HTR4: variants seen among roughly 807,000 people sequenced by gnomAD.
HTR4 encodes the protein 5-hydroxytryptamine (serotonin) receptor 4, G protein-coupled.
A neutral mutation model predicts 36.8 loss-of-function variants in HTR4; 16 were observed. That is an observed-to-expected ratio of 0.43 (90% confidence interval 0.29 to 0.66). The LOEUF (loss-of-function observed/expected upper bound fraction) is 0.66. Among genes scored for constraint, HTR4 ranks in the 30% least tolerant of loss-of-function variants. The pLI, the probability that HTR4 is intolerant of heterozygous loss-of-function variation, is 0.13. For synonymous variants in HTR4, 189 were observed against 185.1 expected (o/e 1.02, Z -0.17); for missense variants, 438 against 490.9 (o/e 0.89, Z 1.02).
intron 6 of HTR4, among the ~76,000 whole-genome samples, chr5:148,494,462 C>G (rs887921965): frequency 1.3e-5 from 2 of 152,218 alleles, no homozygotes; most frequent in Admixed American, 6.5e-5. Context: ...GCCTCTCACT[C>G]ATTCTCTTTG....
At chr5:148,610,924 T>G (rs1752398379) in intron 2 of HTR4, among the ~76,000 whole-genome samples, 2 of 149,854 alleles carry the variant, frequency 1.3e-5, no homozygotes, top group African/African-American at 5.0e-5. Context: ...AGAAAGGGTA[T>G]CAGCAATGGA....
At chr5:148,511,286 A>G (rs1581403820) in intron 5 of HTR4, among the ~76,000 whole-genome samples, 1 of 152,332 alleles carries the variant, frequency 6.6e-6, no homozygotes, top group East Asian at 1.9e-4. Context: ...CAAACTATAG[A>G]ATATTATCAA....
chr5:148,636,936 A>G (rs1753562136), intron 2 of HTR4, 53 bp downstream of exon 2: 1 of 1,162,948 alleles, frequency 8.6e-7, no homozygotes, highest in Admixed American at 1.8e-5. Flanking sequence ...TAGAGTCTTC[A>G]TAGCAGAAAT....
chr5:148,483,379 A>G (rs1755986453), intron 6 of HTR4, 86 bp from the exon 7 acceptor site: 4 of 1,203,952 alleles, frequency 3.3e-6, no homozygotes, highest in Non-Finnish European at 3.6e-6. Context: ...GCATGGCAGG[A>G]ACACTCTGTG....
intron 6 of HTR4, among the ~76,000 whole-genome samples, chr5:148,491,022 A>T (rs911732599): frequency 6.6e-6 from 1 of 152,298 alleles, no homozygotes; most frequent in East Asian, 1.9e-4. Flanking sequence ...TGAAGCTTTT[A>T]TCATTTCCAT....
chr5:148,561,525 G>A (rs556578871), intron 2 of HTR4, among the ~76,000 whole-genome samples: 5 of 152,284 alleles, frequency 3.3e-5, no homozygotes, highest in Admixed American at 6.5e-5. Context: ...TTCCAAAAGT[G>A]GAACTGAGTC....
chr5:148,567,784 A>G lies in HTR4; in HGVS notation c.27-17522T>C, dbSNP rs545348008. Among the ~76,000 whole-genome samples, 19 of 152,234 alleles carry G rather than the reference A, an allele frequency of 1.2e-4. No homozygotes were observed. The South Asian group carries it at 2.9e-3, about 23-fold the overall frequency. On this transcript the variant is annotated intron_variant, in intron 2 of 6. Transcript: ENST00000377888. ...CAAAGAGCATTTTCCTGACTATTCT[A>G]ATGAATGTAGCATACTTTGTCATTC...
At position 148,557,542 on chromosome 5, in the gene HTR4, G is replaced by A. The variant is rs113427592; in HGVS notation, c.27-7280C>T. Reference sequence around the variant, plus strand: ...AGGAGATACATGCTTGGAATTGCCAGCACTTCTATGGGATTTAGAGAACTG... The same window carrying A: ...AGGAGATACATGCTTGGAATTGCCAACACTTCTATGGGATTTAGAGAACTG... On this transcript the variant is annotated intron_variant, in intron 2 of 6. Coordinates refer to ENST00000377888, the MANE Select transcript of HTR4 (RefSeq NM_000870.7). Among the ~76,000 whole-genome samples the A allele has an allele frequency of 1.8e-3, 279 of 152,070 alleles. 1 individual carries two copies. Among genetic ancestry groups the A allele is most frequent in the Non-Finnish European group, 3.1e-3 (210 of 67,986 alleles).
intron 4 of HTR4, among the ~76,000 whole-genome samples, chr5:148,547,318 A>C (rs1270412007): frequency 6.6e-6 from 1 of 151,902 alleles, no homozygotes; most frequent in African/African-American, 2.4e-5. Context: ...CCTCAATTTA[A>C]AAAAAACAGT....
At chr5:148,550,418 C>T (rs888494745) in intron 2 of HTR4, among the ~76,000 whole-genome samples, 156 bp from the exon 3 acceptor site, 12 of 152,288 alleles carry the variant, frequency 7.9e-5, no homozygotes, top group Admixed American at 3.3e-4. Flanking sequence ...AAATCTGAAC[C>T]GGTCGCTTGA....
chr5:148,468,610 C>T (rs576402166), intron 5 of HTR4, among the ~76,000 whole-genome samples: 2 of 152,190 alleles, frequency 1.3e-5, no homozygotes, highest in Non-Finnish European at 2.9e-5. Context: ...GCACAGCTTA[C>T]TTCCATCGTT....
intron 4 of HTR4, among the ~76,000 whole-genome samples, chr5:148,537,436 C>G (rs1212221785): frequency 6.6e-6 from 1 of 151,856 alleles, no homozygotes; most frequent in African/African-American, 2.4e-5. Flanking sequence ...TTCAAAAGAT[C>G]AATGAACCCA....
chr5:148,477,453 T>C (rs893468642), downstream of HTR4, among the ~76,000 whole-genome samples: 4 of 152,170 alleles, frequency 2.6e-5, no homozygotes, highest in East Asian at 3.9e-4. Flanking sequence ...ATTTCAAGGA[T>C]TGTTCTTGCT....
At chr5:148,523,077 T>A in intron 5 of HTR4, 116 bp downstream of exon 5, 1 of 1,002,708 alleles carries the variant, frequency 1.0e-6, no homozygotes, top group Non-Finnish European at 1.4e-6. Flanking sequence ...AAAAAAATTA[T>A]CACCCAGACC....
intron 4 of HTR4, among the ~76,000 whole-genome samples, chr5:148,532,135 TG>T (rs1490551346): frequency 6.6e-6 from 1 of 152,076 alleles, no homozygotes; most frequent in Non-Finnish European, 1.5e-5. Flanking sequence ...CTCTTAAGAG[TG>T]GGGTGCCACA....
intron 2 of HTR4, among the ~76,000 whole-genome samples, chr5:148,557,300 G>A (rs10477385): frequency 0.19 from 28,190 of 151,902 alleles, 3,708 homozygotes; most frequent in African/African-American, 0.37. Context: ...TTTTTGGGGA[G>A]TAAAGAGATA....
intron 4 of HTR4, among the ~76,000 whole-genome samples, chr5:148,542,870 C>G (rs79194540): frequency 0.022 from 3,376 of 152,222 alleles, 57 homozygotes; most frequent in Middle Eastern, 0.048. Flanking sequence ...CTAAGGGGAA[C>G]TGGTATCTCC....
chr5:148,518,342 C>A (rs1020672494), intron 5 of HTR4, among the ~76,000 whole-genome samples: 9 of 152,038 alleles, frequency 5.9e-5, no homozygotes, highest in Admixed American at 1.3e-4. Flanking sequence ...CAATAATGTA[C>A]CCTAAGCGCC....
At chr5:148,560,213 A>C (rs1184476815) in intron 2 of HTR4, among the ~76,000 whole-genome samples, 2 of 151,084 alleles carry the variant, frequency 1.3e-5, no homozygotes, top group Non-Finnish European at 3.0e-5. Context: ...TTTAAAAAAA[A>C]AAAAAAAAAA....
Sources: allele counts gnomAD v4.1 joint callset (sites outside exome capture counted in the v4.1 genomes callset), GRCh38; gene constraint gnomAD v4.1.1; transcripts MANE v1.5; gene names NCBI Gene and HGNC (gene_info 2026-07-23, HGNC 2026-07-21).